RBM48: variants seen among roughly 807,000 people sequenced by gnomAD.
The protein encoded by RBM48 is RNA-binding protein 48.
In RBM48, 32 loss-of-function variants were observed where a neutral mutation model predicts 34.8. The observed-to-expected ratio is 0.92, with a 90% CI of 0.69 to 1.23. The LOEUF (loss-of-function observed/expected upper bound fraction) is 1.23. Ranked by LOEUF, RBM48 falls within the 50% of genes most tolerant of loss-of-function variation. RBM48 has a pLI of 0.00. For synonymous variants in RBM48, 151 were observed against 156.2 expected (o/e 0.97, Z 0.25); for missense variants, 441 against 447.2 (o/e 0.99, Z 0.12).
chr7:92,532,327 G>C, intron 2 of RBM48, 77 bp from the exon 3 acceptor site: 2 of 1,246,144 alleles, frequency 1.6e-6, no homozygotes, highest in East Asian at 2.3e-5. Context: ...TTTAGATCCA[G>C]ATATTGCATA....
chr7:92,529,062 C>T (rs540502341), intron 1 of RBM48, 138 bp downstream of exon 1: 8 of 703,222 alleles, frequency 1.1e-5, no homozygotes, highest in South Asian at 1.1e-4. Context: ...GTGAAGAACC[C>T]TCGGTCAGTT....
intron 3 of RBM48, among the ~76,000 whole-genome samples, chr7:92,533,967 T>TAAAAAAAAAA (rs768646005): frequency 2.4e-5 from 2 of 83,914 alleles, no homozygotes; most frequent in Non-Finnish European, 5.1e-5. Context: ...TCTGAAATTG[T>TAAAAAAAAAA]AAAAAAAAAA....
intron 4 of RBM48, chr7:92,535,409 A>G (rs1159092453): frequency 4.2e-5 from 43 of 1,027,904 alleles, no homozygotes; most frequent in Non-Finnish European, 5.0e-5. Flanking sequence ...ATAAAGAGCA[A>G]TAGAAGGTGG....
In RBM48 at chr7:92,534,370, CT is replaced by C. The variant is rs543910714; in HGVS notation, c.449-29del. 945 of 1,582,032 alleles carry C rather than the reference CT, an allele frequency of 6.0e-4. 5 individuals are homozygous for C. The South Asian group carries it at 7.4e-3, about 12-fold the overall frequency. On this transcript the variant is annotated intron_variant, in intron 3 of 4. Coordinates refer to ENST00000265732, the MANE Select transcript of RBM48 (RefSeq NM_032120.4). ...AAAACAATAAACCACTTCTGTTTCC[CT>C]TTCCCTCAACTTTTAAATTGTAATA...
chr7:92,535,037 T>C, intron 4 of RBM48, 67 bp downstream of exon 4: 1 of 1,578,732 alleles, frequency 6.3e-7, no homozygotes. Flanking sequence ...GAGAATTATT[T>C]GTGGGAACAA....
rs1793452463 is a variant in RBM48 at position 92,528,882 on chromosome 7, A to G, written c.69A>G (p.Thr23=). 6.2e-7 allele frequency: 1 copy of G among 1,614,104 alleles called. No homozygotes were observed. The highest frequency in any genetic ancestry group is 8.5e-7 in the Non-Finnish European group (1 of 1,179,994). The change falls in exon 1 of 5, where the codon ACA becomes ACG. Residue 23 remains threonine (T), a synonymous_variant. Coordinates refer to ENST00000265732, the MANE Select transcript of RBM48 (RefSeq NM_032120.4). ...ACGTCCAGAGGGCGGTATGCGACAC[A>G]CGGGCCAAATATCGAGAGGGACGAC... ...DHHVQRAVCD[T]RAKYREGRRP... is the part of the protein sequence containing the mutation.
At chr7:92,535,758 A>AT (rs940148464) in intron 4 of RBM48, 172 of 975,690 alleles carry the variant, frequency 1.8e-4, no homozygotes, top group Non-Finnish European at 2.1e-4. Context: ...ATATATGTAC[A>AT]TTTTTTACCT....
intron 4 of RBM48, 134 bp downstream of exon 4, chr7:92,535,104 C>A: frequency 6.8e-7 from 1 of 1,468,392 alleles, no homozygotes; most frequent in South Asian, 1.4e-5. Context: ...CTACAGTTCT[C>A]TGTTGAAATA....
At chr7:92,534,993 A>AGT in intron 4 of RBM48, 23 bp downstream of exon 4, 1 of 1,612,050 alleles carries the variant, frequency 6.2e-7, no homozygotes, top group South Asian at 1.1e-5. Flanking sequence ...TTAAAAAACT[A>AGT]TTCTAAGACA....
intron 2 of RBM48, 95 bp from the exon 3 acceptor site, chr7:92,532,309 C>A: frequency 9.6e-7 from 1 of 1,040,792 alleles, no homozygotes; most frequent in Non-Finnish European, 1.4e-6. Context: ...AAAAGCTGGA[C>A]TTTGCTCTTT....
chr7:92,528,958 G>A, intron 1 of RBM48, 34 bp downstream of exon 1: 1 of 1,465,900 alleles, frequency 6.8e-7, no homozygotes, highest in Non-Finnish European at 9.5e-7. Context: ...GCTCTCCTCG[G>A]TAGCTTTATG....
At position 92,534,965 on chromosome 7, in the gene RBM48, A is replaced by T; in HGVS notation, c.1012A>T (p.Lys338Ter). Residue 338 changes from lysine (K) to a stop codon, truncating the protein, a stop_gained, in exon 4 of 5, where the codon AAA becomes TAA. Transcript: ENST00000265732. LOFTEE classifies it high-confidence loss of function. ...GGCGAATTTAATTCGGCATAAACTT[A>T]AAGAGGTAAGGTTATTTTTAAAAAA... The part of the protein sequence containing the change: ...TTANLIRHKL[K>*]EVISSVPKPP... The T allele has an allele frequency of 1.2e-6, 2 of 1,614,080 alleles. No homozygotes were observed. The highest frequency in any genetic ancestry group is 4.5e-5 in the East Asian group (2 of 44,882).
At chr7:92,533,568 G>C (rs1793627174) in intron 3 of RBM48, among the ~76,000 whole-genome samples, 1 of 152,144 alleles carries the variant, frequency 6.6e-6, no homozygotes, top group Non-Finnish European at 1.5e-5. Flanking sequence ...CTGTGCTGCT[G>C]ACCTCAGAAT....
At position 92,536,912 on chromosome 7, in the gene RBM48, C is replaced by G; in HGVS notation, c.1079C>G (p.Pro360Arg). ...CCAGAAGATGTACATACAAGTCATC[C>G]ATTAAAACAAAGAAGAAGAATATAG... ...DKPEDVHTSH[P>R]LKQRRRI The change falls in exon 5 of 5, where the codon CCA (proline) becomes CGA (arginine). Residue 360 changes from proline to arginine, a missense_variant. Transcript: ENST00000265732. 1 of 1,607,588 alleles carries G rather than the reference C, an allele frequency of 6.2e-7. No homozygotes were observed. Among genetic ancestry groups the G allele is most frequent in the Non-Finnish European group, 8.5e-7 (1 of 1,177,432 alleles).
chr7:92,532,286 A>T, intron 2 of RBM48, 118 bp from the exon 3 acceptor site: 1 of 787,206 alleles, frequency 1.3e-6, no homozygotes, highest in Non-Finnish European at 2.1e-6. Context: ...CACAGGATAT[A>T]TATACACGTA....
chr7:92,539,813 ACTT>A lies in RBM48; in HGVS notation c.*2877_*2879del, dbSNP rs902090321. 2.6e-5 allele frequency among the ~76,000 whole-genome samples: 4 copies of A among 152,206 alleles called. No individual in the cohort carries two copies. The highest frequency in any genetic ancestry group is 2.6e-4 in the Admixed American group (4 of 15,274). ...TAGACTGATACTTGCAGCTCAGAAA[ACTT>A]TTGTCAGATGCATACATGAAAAACC... On this transcript the variant is annotated 3_prime_UTR_variant, in exon 5 of 5. Coordinates refer to ENST00000265732, the MANE Select transcript of RBM48 (RefSeq NM_032120.4).
intron 4 of RBM48, 121 bp from the exon 5 acceptor site, chr7:92,536,730 T>A: frequency 1.5e-6 from 2 of 1,375,830 alleles, no homozygotes; most frequent in Non-Finnish European, 1.9e-6. Flanking sequence ...TTAGGCGAAC[T>A]CTGCCTCGAA....
chr7:92,530,478 GA>G, intron 2 of RBM48, among the ~76,000 whole-genome samples: 1 of 148,684 alleles, frequency 6.7e-6, no homozygotes, highest in Non-Finnish European at 1.5e-5. Flanking sequence ...CTAGATGACA[GA>G]GCAAGGCTCT....
intron 2 of RBM48, among the ~76,000 whole-genome samples, chr7:92,531,246 A>T (rs981941064): frequency 1.3e-5 from 2 of 152,196 alleles, no homozygotes; most frequent in Non-Finnish European, 2.9e-5. Flanking sequence ...ATGAAATGAG[A>T]TAATCCATAT....
Sources: allele counts gnomAD v4.1 joint callset (sites outside exome capture counted in the v4.1 genomes callset), GRCh38; gene constraint gnomAD v4.1.1; transcripts MANE v1.5; gene names NCBI Gene and HGNC (gene_info 2026-07-23, HGNC 2026-07-21).